The following ITK variants were observed in gnomAD, a reference collection of about 807,000 sequenced individuals.
The protein encoded by ITK is IL2 inducible T cell kinase.
Under a neutral mutation model 87.6 loss-of-function variants are expected in ITK, and 45 were observed. The observed-to-expected ratio is 0.51, with a 90% CI of 0.40 to 0.66. The LOEUF (loss-of-function observed/expected upper bound fraction) is 0.66, where lower values mean the gene tolerates loss of function less well. Among genes scored for constraint, ITK ranks in the 30% least tolerant of loss-of-function variants. The pLI, the probability that ITK is intolerant of heterozygous loss-of-function variation, is 0.00. For synonymous variants in ITK, 303 were observed against 273.6 expected, an observed-to-expected ratio of 1.11 and a Z score of -1.06; for missense variants, 605 against 766.3, an observed-to-expected ratio of 0.79 and a Z score of 2.48.
At chr5:157,201,904 G>T (rs559717792) in intron 1 of ITK, among the ~76,000 whole-genome samples, 1 of 152,288 alleles carries the variant, frequency 6.6e-6, no homozygotes, top group East Asian at 1.9e-4. Flanking sequence ...TAAATTGCAT[G>T]TTGCAGGGGT....
At chr5:157,198,533 G>A (rs978339626) in intron 1 of ITK, among the ~76,000 whole-genome samples, 12 of 152,238 alleles carry the variant, frequency 7.9e-5, no homozygotes, top group East Asian at 1.9e-4. Context: ...AGAGAGAAAC[G>A]AAGACAGGTG....
chr5:157,221,504 C>T (rs1209352150), intron 5 of ITK, among the ~76,000 whole-genome samples: 1 of 152,168 alleles, frequency 6.6e-6, no homozygotes, highest in African/African-American at 2.4e-5. Context: ...TGGGACTCTA[C>T]AGAGCATTTT....
At chr5:157,198,343 T>C (rs1488403246) in intron 1 of ITK, among the ~76,000 whole-genome samples, 2 of 152,242 alleles carry the variant, frequency 1.3e-5, no homozygotes, top group Non-Finnish European at 2.9e-5. Context: ...TTGAAAAGTC[T>C]CACTTTTTTC....
chr5:157,189,695 G>T (rs1753714745), intron 1 of ITK, among the ~76,000 whole-genome samples: 1 of 151,956 alleles, frequency 6.6e-6, no homozygotes, highest in African/African-American at 2.4e-5. Flanking sequence ...CAGAAAAAAA[G>T]GAAAAGAAGA....
In ITK at chr5:157,243,729, T is replaced by C; in HGVS notation, c.1167T>C (p.Ala389=). The change falls in exon 12 of 17, where the codon GCT becomes GCC. Residue 389 remains alanine, a synonymous_variant. Transcript: ENST00000422843. ...ACTGGCTCAACAAGGACAAGGTGGC[T>C]ATCAAAACCATTCGGGAAGGGGCTA... ...LGYWLNKDKV[A]IKTIREGAMS... 1.2e-6 allele frequency: 2 copies of C among 1,614,046 alleles called. No individual in the cohort carries two copies. The highest frequency in any genetic ancestry group is 1.7e-6 in the Non-Finnish European group (2 of 1,179,988).
In ITK at chr5:157,240,086, T is replaced by C. The variant is rs1206841580; in HGVS notation, c.876T>C (p.His292=). 2 of 1,611,788 alleles carry C rather than the reference T, an allele frequency of 1.2e-6. No individual in the cohort carries two copies. Among genetic ancestry groups the C allele is most frequent in the Non-Finnish European group, 8.5e-7 (1 of 1,177,834 alleles). The change falls in exon 10 of 17, where the codon CAT becomes CAC. Residue 292 remains histidine (H), a synonymous_variant. Coordinates refer to ENST00000422843, the MANE Select transcript of ITK (RefSeq NM_005546.4). ...GTGAGAACAATCCCTGTATAAAGCA[T>C]TATCACATCAAGGAAACAAATGACA... ...VVSENNPCIK[H]YHIKETNDNP...
At chr5:157,245,828 TG>T (rs1755009494) in intron 14 of ITK, 38 bp downstream of exon 14, 1 of 1,611,060 alleles carries the variant, frequency 6.2e-7, no homozygotes, top group Non-Finnish European at 8.5e-7. Flanking sequence ...GTCTCAGGAA[TG>T]GGACTGAGGC....
At chr5:157,206,404 A>G (rs1289901288) in intron 1 of ITK, among the ~76,000 whole-genome samples, 1 of 152,210 alleles carries the variant, frequency 6.6e-6, no homozygotes, top group Non-Finnish European at 1.5e-5. Context: ...GCCTCATAGA[A>G]TAAGTTGTGG....
intron 1 of ITK, among the ~76,000 whole-genome samples, chr5:157,203,044 A>G (rs1754006358): frequency 1.3e-5 from 2 of 152,268 alleles, no homozygotes; most frequent in African/African-American, 4.8e-5. Context: ...TCACTCCCCT[A>G]GACCTTCTCC....
At chr5:157,190,240 CTGTT>C (rs1380304914) in intron 1 of ITK, among the ~76,000 whole-genome samples, 13 of 152,160 alleles carry the variant, frequency 8.5e-5, no homozygotes, top group Non-Finnish European at 1.5e-4. Context: ...GAAATTATAA[CTGTT>C]TGTTATAAAA....
chr5:157,210,739 C>T (rs1754175079), intron 2 of ITK, among the ~76,000 whole-genome samples: 1 of 136,830 alleles, frequency 7.3e-6, no homozygotes, highest in Non-Finnish European at 1.5e-5. Flanking sequence ...ATTCCCCTTC[C>T]TGTGTCCATG....
intron 6 of ITK, among the ~76,000 whole-genome samples, chr5:157,224,538 G>A (rs564600760): frequency 7.9e-5 from 12 of 152,138 alleles, no homozygotes; most frequent in African/African-American, 2.9e-4. Context: ...CACTTTGATT[G>A]GGAGGCCAAG....
In ITK at chr5:157,228,856, G is replaced by A. The variant is rs558432722; in HGVS notation, c.713+495G>A. Among the ~76,000 whole-genome samples the A allele has an allele frequency of 5.3e-5, 8 of 152,160 alleles. No individual in the cohort carries two copies. The East Asian group carries it at 7.8e-4, about 15-fold the overall frequency. ...TTGCCCAGGCTGGTCTTTAACTTCC[G>A]GGCTCTAGTGATCCTCCCATTATGG... On this transcript the variant is annotated intron_variant, in intron 7 of 16. Transcript: ENST00000422843.
At chr5:157,238,963 A>G (rs913792723) in intron 9 of ITK, among the ~76,000 whole-genome samples, 12 of 152,184 alleles carry the variant, frequency 7.9e-5, no homozygotes, top group African/African-American at 2.7e-4. Context: ...TTTTTGGAAG[A>G]CTGAGGATGT....
chr5:157,241,833 A>C (rs967343601), intron 11 of ITK, 113 bp downstream of exon 11: 1 of 743,920 alleles, frequency 1.3e-6, no homozygotes, highest in East Asian at 2.6e-5. Flanking sequence ...CCATTAAAAC[A>C]AGTGTATTAT....
chr5:157,254,880 A>G lies in ITK; in HGVS notation c.*2202A>G, dbSNP rs1414152945. 1 of 215,930 alleles carries G rather than the reference A, an allele frequency of 4.6e-6. No homozygotes were observed. The highest frequency in any genetic ancestry group is 9.3e-6 in the Non-Finnish European group (1 of 107,196). 13.4% of individuals were successfully genotyped at this position (215,930 alleles called of 1,614,324 possible). A position where few individuals can be genotyped will look rare whatever the true frequency, so the allele number is the denominator to read the frequency against. ...TACATTCTTCACCTCCTGGTGCCCT[A>G]TCCCGCAAAATGGGCTTCCTGCCTG... On this transcript the variant is annotated 3_prime_UTR_variant, in exon 17 of 17. Coordinates refer to ENST00000422843, the MANE Select transcript of ITK (RefSeq NM_005546.4).
chr5:157,212,179 G>T (rs1470923352), intron 3 of ITK, among the ~76,000 whole-genome samples: 1 of 152,194 alleles, frequency 6.6e-6, no homozygotes, highest in African/African-American at 2.4e-5. Flanking sequence ...GCTGTTGTGA[G>T]AATTGAATGA....
intron 4 of ITK, among the ~76,000 whole-genome samples, chr5:157,217,634 T>C (rs1331608510): frequency 1.3e-5 from 2 of 152,130 alleles, no homozygotes; most frequent in Admixed American, 6.5e-5. Flanking sequence ...TTCTGGAAGC[T>C]TCTGGTGTGT....
intron 10 of ITK, chr5:157,241,342 CTTTT>C (rs1754892558): frequency 1.2e-5 from 2 of 172,574 alleles, no homozygotes; most frequent in Non-Finnish European, 2.4e-5. Flanking sequence ...GCCCTGGCTT[CTTTT>C]TGACTATAAA....
Sources: gnomAD v4.1 joint callset for allele counts (sites outside exome capture counted in the v4.1 genomes callset) on GRCh38, gnomAD v4.1.1 for gene constraint, MANE v1.5 for transcripts, NCBI Gene and HGNC (gene_info 2026-07-23, HGNC 2026-07-21) for gene names.